DGKB: variants seen among roughly 807,000 people sequenced by gnomAD.
DGKB encodes diacylglycerol kinase beta.
In DGKB, 67 loss-of-function variants were observed where a neutral mutation model predicts 114.3. That is an observed-to-expected ratio of 0.59 (90% confidence interval 0.48 to 0.72). The LOEUF is 0.72. Ranked by LOEUF, DGKB falls within the 30% of genes least tolerant of loss-of-function variation. DGKB has a pLI of 0.00. For synonymous variants in DGKB, 398 were observed against 323.1 expected (o/e 1.23, Z -2.49); for missense variants, 907 against 975.2 (o/e 0.93, Z 0.93).
intron 23 of DGKB, among the ~76,000 whole-genome samples, chr7:14,286,604 A>C (rs1400446030): frequency 6.6e-6 from 1 of 152,140 alleles, no homozygotes; most frequent in Non-Finnish European, 1.5e-5. Context: ...ACTTATACTC[A>C]GTACTTTTCT....
chr7:14,552,333 AGCTAAAT>A (rs1375320636), intron 20 of DGKB, among the ~76,000 whole-genome samples: 3 of 152,230 alleles, frequency 2.0e-5, no homozygotes, highest in Non-Finnish European at 4.4e-5. Context: ...AATATCAAGG[AGCTAAAT>A]GCTAAATGCC....
At chr7:14,411,529 G>A (rs1257216157) in intron 21 of DGKB, among the ~76,000 whole-genome samples, 1 of 152,126 alleles carries the variant, frequency 6.6e-6, no homozygotes, top group Non-Finnish European at 1.5e-5. Flanking sequence ...GGTAATCAGA[G>A]TTCTGGGTTC....
chr7:14,679,158 G>C (rs138093218), intron 12 of DGKB, among the ~76,000 whole-genome samples: 1 of 147,266 alleles, frequency 6.8e-6, no homozygotes, highest in Non-Finnish European at 1.5e-5. Context: ...GAGAAATGAC[G>C]TAAGTGTTCT....
chr7:14,747,196 T>C (rs1833419366), intron 4 of DGKB, among the ~76,000 whole-genome samples: 1 of 150,186 alleles, frequency 6.7e-6, no homozygotes, highest in Non-Finnish European at 1.5e-5. Flanking sequence ...CTCTTTTTTT[T>C]TTTTTTTTTT....
intron 1 of DGKB, among the ~76,000 whole-genome samples, chr7:14,864,738 C>T (rs1373019597): frequency 6.7e-6 from 1 of 149,476 alleles, no homozygotes; most frequent in Non-Finnish European, 1.5e-5. Context: ...CGGGGTGTTA[C>T]AAGCCATGTA....
intron 1 of DGKB, among the ~76,000 whole-genome samples, chr7:14,853,242 G>T (rs866793101): frequency 2.6e-4 from 40 of 152,046 alleles, no homozygotes; most frequent in Admixed American, 3.9e-4. Flanking sequence ...ACAGAGAAAT[G>T]GACTCAATTT....
chr7:14,924,920 A>G (rs948819670), intron 1 of DGKB, among the ~76,000 whole-genome samples: 3 of 152,116 alleles, frequency 2.0e-5, no homozygotes, highest in Non-Finnish European at 4.4e-5. Flanking sequence ...TCCCTGCTGC[A>G]CAGCTTCTCT....
At chr7:14,153,102 A>G (rs1263028589) in intron 25 of DGKB, among the ~76,000 whole-genome samples, 1 of 152,104 alleles carries the variant, frequency 6.6e-6, no homozygotes, top group Non-Finnish European at 1.5e-5. Context: ...CTCTTCAAAG[A>G]CTTTGTTCAG....
At chr7:14,972,892 G>C (rs34796119) in intron 1 of DGKB, among the ~76,000 whole-genome samples, 6,250 of 152,144 alleles carry the variant, frequency 0.041, 139 homozygotes, top group Middle Eastern at 0.054. Flanking sequence ...GTTTGCGTAT[G>C]TGTGTATACA....
chr7:14,490,184 C>G (rs1343304309), intron 20 of DGKB, among the ~76,000 whole-genome samples: 1 of 151,984 alleles, frequency 6.6e-6, no homozygotes, highest in Non-Finnish European at 1.5e-5. Context: ...CAGCAAAAAT[C>G]AAGTTAAGGT....
chr7:14,631,614 T>G (rs192269232), intron 13 of DGKB, among the ~76,000 whole-genome samples: 22 of 152,134 alleles, frequency 1.4e-4, no homozygotes, highest in Admixed American at 1.4e-3. Flanking sequence ...ACAGTAGGTT[T>G]GGTAGAGCCT....
intron 25 of DGKB, among the ~76,000 whole-genome samples, chr7:14,156,044 G>GAGTGCAGC (rs1376034050): frequency 6.6e-6 from 1 of 152,096 alleles, no homozygotes; most frequent in Non-Finnish European, 1.5e-5. Context: ...TGCCATTTAA[G>GAGTGCAGC]AGTGCAGCAG....
intron 1 of DGKB, among the ~76,000 whole-genome samples, chr7:14,842,234 G>A (rs1228862848): frequency 6.6e-6 from 1 of 152,176 alleles, no homozygotes; most frequent in Non-Finnish European, 1.5e-5. Flanking sequence ...TATTTATACA[G>A]ATGTCATTAC....
rs112694538 is a variant in DGKB, at chr7:14,924,527, A to G, written c.-188+50169T>C. The stretch of plus-strand genomic sequence containing the variant: ...CCATTAGACTCTTTCTCACTCTACA[A>G]TCCTGAAACTCATATTTTTCCTCTC... On this transcript the variant is annotated intron_variant, in intron 1 of 4. Transcript: ENST00000437998. Among the ~76,000 whole-genome samples, 94 of 152,092 alleles carry G rather than the reference A, an allele frequency of 6.2e-4. 2 individuals carry two copies. Among genetic ancestry groups the G allele is most frequent in the African/African-American group, 2.2e-3 (90 of 41,480 alleles).
chr7:14,361,983 G>A (rs957886739), intron 21 of DGKB, among the ~76,000 whole-genome samples: 1 of 151,984 alleles, frequency 6.6e-6, no homozygotes, highest in Non-Finnish European at 1.5e-5. Flanking sequence ...TAGTACTGCA[G>A]TCTGAATCTA....
intron 20 of DGKB, among the ~76,000 whole-genome samples, chr7:14,481,724 C>T (rs533810987): frequency 6.6e-6 from 1 of 151,898 alleles, no homozygotes; most frequent in African/African-American, 2.4e-5. Flanking sequence ...TTTAGTTCTT[C>T]CTTGTTTTTG....
intron 13 of DGKB, among the ~76,000 whole-genome samples, chr7:14,645,103 T>G (rs1158465001): frequency 6.6e-6 from 1 of 152,076 alleles, no homozygotes; most frequent in Non-Finnish European, 1.5e-5. Flanking sequence ...CAAATGATAT[T>G]TTTTTCAAGA....
chr7:14,709,947 C>T (rs528159834), intron 6 of DGKB, among the ~76,000 whole-genome samples: 142 of 148,400 alleles, frequency 9.6e-4, no homozygotes, highest in African/African-American at 3.5e-3. Context: ...GCACATGTAC[C>T]CTAAAACTTA....
intron 20 of DGKB, among the ~76,000 whole-genome samples, chr7:14,509,177 G>T (rs1473158016): frequency 6.6e-6 from 1 of 152,190 alleles, no homozygotes; most frequent in Non-Finnish European, 1.5e-5. Flanking sequence ...AACACTGAAG[G>T]CATATAGGAA....
Sources: allele counts gnomAD v4.1 joint callset (sites outside exome capture counted in the v4.1 genomes callset), GRCh38; gene constraint gnomAD v4.1.1; transcripts MANE v1.5; gene names NCBI Gene and HGNC (gene_info 2026-07-23, HGNC 2026-07-21).